Variants in ARMCX4 observed in about 807,000 individuals in gnomAD.
The protein encoded by ARMCX4 is armadillo repeat containing X-linked 4.
ARMCX4 carries 3 observed loss-of-function variants against 34.7 expected under a neutral mutation model. The observed-to-expected ratio is 0.09, with a 90% CI of 0.04 to 0.22. The LOEUF is 0.22. Ranked by LOEUF, ARMCX4 falls within the 10% of genes least tolerant of loss-of-function variation. The pLI, the probability that ARMCX4 is intolerant of heterozygous loss-of-function variation, is 1.00. For synonymous variants in ARMCX4, 513 were observed against 632.8 expected (o/e 0.81, Z 2.84); for missense variants, 1,448 against 1,720.8 (o/e 0.84, Z 2.81).
intron 2 of ARMCX4, among the ~76,000 whole-genome samples, chrX:101,438,871 T>C (rs1318281277): frequency 1.8e-5 from 2 of 111,374 alleles, no homozygotes; most frequent in Admixed American, 9.6e-5. Context: ...TGTCTCTGCA[T>C]GTGAGATGGG....
upstream of ARMCX4, among the ~76,000 whole-genome samples, chrX:101,481,453 G>A (rs1431222267): frequency 1.8e-5 from 2 of 112,202 alleles, no homozygotes; most frequent in Non-Finnish European, 3.8e-5. Context: ...TGTTTGGTAG[G>A]TTGGATGTAT....
intron 2 of ARMCX4, among the ~76,000 whole-genome samples, chrX:101,426,505 G>A (rs1929631790): frequency 9.0e-6 from 1 of 111,666 alleles, no homozygotes; most frequent in South Asian, 3.7e-4. Context: ...TGAAGAGAAT[G>A]GAGAAGGTTC....
intron 7 of ARMCX4, among the ~76,000 whole-genome samples, chrX:101,502,655 T>A (rs782245839): frequency 9.0e-6 from 1 of 111,527 alleles, no homozygotes; most frequent in South Asian, 3.8e-4. Flanking sequence ...ACTAGTACCT[T>A]TCCTTATCTA....
At chrX:101,443,542 C>T (rs1931440069) in intron 2 of ARMCX4, among the ~76,000 whole-genome samples, 1 of 111,819 alleles carries the variant, frequency 8.9e-6, no homozygotes, top group Admixed American at 9.5e-5. Context: ...TACAGCTAGA[C>T]ATGGAAGGAA....
intron 11 of ARMCX4, among the ~76,000 whole-genome samples, chrX:101,529,152 C>T (rs1178135934): frequency 1.8e-5 from 2 of 111,167 alleles, no homozygotes; most frequent in African/African-American, 6.6e-5. Context: ...ACCAATGGAA[C>T]AGAACAGAGC....
At chrX:101,515,381 T>TTCTTTCTTTCTTTCTTTCTTTCTTTC (rs782141206) in intron 11 of ARMCX4, among the ~76,000 whole-genome samples, 2 of 12,261 alleles carry the variant, frequency 1.6e-4, no homozygotes, top group Non-Finnish European at 2.6e-4. Context: ...CTTTCTTTCT[T>TTCTTTCTTTCTTTCTTTCTTTCTTTC]TTTCTTTCTT....
At chrX:101,487,871 GA>G in intron 4 of ARMCX4, 172 bp from the exon 5 acceptor site, 1 of 286,900 alleles carries the variant, frequency 3.5e-6, no homozygotes, top group Non-Finnish European at 6.3e-6. Flanking sequence ...CTGGTACAGG[GA>G]AAAGAGTGTG....
rs1934445854 is a variant in ARMCX4, at chrX:101,506,195, C to T, written c.*1596+840C>T. On this transcript the variant is annotated intron_variant and NMD_transcript_variant, in intron 8 of 12. Coordinates refer to the ARMCX4 transcript ENST00000354842. ...AATGTTTACCCATTAAACAGTAACTCCTCCCACTGCTCCCTCAGCCCCTGC... is the reference window on the plus strand; with the variant it reads ...AATGTTTACCCATTAAACAGTAACTTCTCCCACTGCTCCCTCAGCCCCTGC... Among the ~76,000 whole-genome samples the T allele has an allele frequency of 2.7e-5, 3 of 112,221 alleles. No individual in the cohort carries two copies. In the South Asian group the frequency reaches 1.1e-3, roughly 41 times the overall value.
In ARMCX4 at chrX:101,421,517, A is replaced by G. The variant is rs782033226; in HGVS notation, n.164+2517A>G. 1.0e-3 allele frequency among the ~76,000 whole-genome samples: 115 copies of G among 111,585 alleles called. 1 individual carries two copies. The highest frequency in any genetic ancestry group is 1.9e-3 in the Non-Finnish European group (100 of 53,132). ...TTTTGTGCTGCTATAACAATACCCG[A>G]TAGTGGGTAATTTATAAACAGAAAT... On this transcript the variant is annotated intron_variant and non_coding_transcript_variant, in intron 2 of 3. Coordinates refer to the ARMCX4 transcript ENST00000430461.
intron 4 of ARMCX4, among the ~76,000 whole-genome samples, chrX:101,476,436 GGAAA>G (rs1425067621): frequency 8.1e-5 from 9 of 110,608 alleles, no homozygotes; most frequent in African/African-American, 3.0e-4. Flanking sequence ...ATTTAAAAAA[GGAAA>G]GAAAGTCAAA....
chrX:101,424,612 G>A (rs1929489745), intron 2 of ARMCX4, among the ~76,000 whole-genome samples: 1 of 111,794 alleles, frequency 8.9e-6, no homozygotes, highest in South Asian at 3.7e-4. Context: ...ATTGCTTGAT[G>A]TATGGGAAAA....
chrX:101,455,823 G>A (rs1285190497), intron 4 of ARMCX4, among the ~76,000 whole-genome samples: 3 of 110,583 alleles, frequency 2.7e-5, no homozygotes, highest in African/African-American at 9.9e-5. Context: ...CCAGCCTCCC[G>A]TCTAGTATTC....
chrX:101,434,847 C>T (rs1436575546), intron 2 of ARMCX4, among the ~76,000 whole-genome samples: 4 of 99,942 alleles, frequency 4.0e-5, no homozygotes, highest in Non-Finnish European at 8.0e-5. Context: ...TCCATGTGTT[C>T]TCATTGTTCA....
intron 2 of ARMCX4, among the ~76,000 whole-genome samples, chrX:101,419,620 C>T (rs1469847090): frequency 1.8e-5 from 2 of 111,652 alleles, no homozygotes; most frequent in African/African-American, 6.5e-5. Context: ...AAACTTTGGA[C>T]AGGCTCCTCT....
chrX:101,429,679 T>G (rs1046059999), intron 2 of ARMCX4, among the ~76,000 whole-genome samples: 13 of 111,401 alleles, frequency 1.2e-4, no homozygotes, highest in Non-Finnish European at 1.7e-4. Flanking sequence ...TAAAGCACTT[T>G]GCCTGCCATC....
chrX:101,470,248 G>A (rs782052318), intron 4 of ARMCX4, among the ~76,000 whole-genome samples: 5 of 111,680 alleles, frequency 4.5e-5, no homozygotes, highest in Non-Finnish European at 7.5e-5. Context: ...TACGTTTCAC[G>A]TAATGGAATC....
intron 11 of ARMCX4, among the ~76,000 whole-genome samples, chrX:101,530,047 C>T (rs782711130): frequency 1.9e-4 from 21 of 111,622 alleles, no homozygotes; most frequent in African/African-American, 4.9e-4. Context: ...ATTTTTATTG[C>T]GGTACTATTC....
intron 2 of ARMCX4, among the ~76,000 whole-genome samples, chrX:101,434,685 G>A (rs62600847): frequency 0.063 from 6,906 of 108,771 alleles, 219 homozygotes; most frequent in South Asian, 0.28. Flanking sequence ...TGTGCACAAC[G>A]TGCTGGTTAG....
chrX:101,534,420 G>A (rs73564767), downstream of ARMCX4, among the ~76,000 whole-genome samples: 9,225 of 110,219 alleles, frequency 0.084, 613 homozygotes, highest in African/African-American at 0.22. Context: ...TGAACAGGCA[G>A]GTAATGATAA....
Sources: allele counts gnomAD v4.1 joint callset (sites outside exome capture counted in the v4.1 genomes callset), GRCh38; gene constraint gnomAD v4.1.1; transcripts MANE v1.5; gene names NCBI Gene and HGNC (gene_info 2026-07-23, HGNC 2026-07-21).